Variants in SPIRE1 observed in about 807,000 individuals in gnomAD.
SPIRE1 encodes the protein protein spire homolog 1.
SPIRE1 carries 40 observed loss-of-function variants against 94.1 expected under a neutral mutation model. The ratio of observed to expected loss-of-function variants is 0.43; its 90% CI spans 0.33 to 0.55. The LOEUF (loss-of-function observed/expected upper bound fraction) is 0.55. SPIRE1 is among the 20% of genes least tolerant of loss of function. SPIRE1 has a pLI of 0.06. For missense variants in SPIRE1, 838 were observed against 975.2 expected (o/e 0.86, Z 1.87); for synonymous variants, 376 against 371.7 (o/e 1.01, Z -0.13).
At chr18:12,497,778 T>C (rs940308173) in intron 6 of SPIRE1, among the ~76,000 whole-genome samples, 1 of 152,242 alleles carries the variant, frequency 6.6e-6, no homozygotes, top group African/African-American at 2.4e-5. Context: ...TTAATCAGAC[T>C]TTTCTATTAC....
chr18:12,507,332 A>G (rs2033869647), intron 5 of SPIRE1, among the ~76,000 whole-genome samples: 1 of 152,210 alleles, frequency 6.6e-6, no homozygotes, highest in Non-Finnish European at 1.5e-5. Flanking sequence ...TAGTTTCCTC[A>G]TCAATAAAGA....
chr18:12,562,641 G>A (rs188475187), intron 2 of SPIRE1, among the ~76,000 whole-genome samples: 122 of 143,674 alleles, frequency 8.5e-4, no homozygotes, highest in African/African-American at 3.0e-3. Context: ...TTTTCCTGAT[G>A]CTCTCCCGCC....
chr18:12,466,090 A>G (rs988713810), intron 10 of SPIRE1, among the ~76,000 whole-genome samples: 2 of 152,018 alleles, frequency 1.3e-5, no homozygotes, highest in Non-Finnish European at 2.9e-5. Flanking sequence ...TCTCAGAAAA[A>G]AAAAAGAAAA....
rs909457076 is a variant in SPIRE1, at chr18:12,476,442, G to C, written c.1404+3257C>G. Among the ~76,000 whole-genome samples, 7 of 148,992 alleles carry C rather than the reference G, an allele frequency of 4.7e-5. No homozygotes were observed. The Admixed American group carries it at 4.7e-4, about 10-fold the overall frequency. ...TGTAATCCCAGTTACTCGGGAGGCT[G>C]AGACAGGAGAATCGCTTGAACCTGG... On this transcript the variant is annotated intron_variant, in intron 10 of 16. Transcript: ENST00000409402.
intron 12 of SPIRE1, among the ~76,000 whole-genome samples, chr18:12,458,727 C>A (rs553667958): frequency 2.6e-4 from 40 of 152,212 alleles, no homozygotes; most frequent in Non-Finnish European, 4.3e-4. Flanking sequence ...TAATCAAATG[C>A]CAGCAGGTCT....
rs192982699 is a variant in SPIRE1 at position 12,492,206 on chromosome 18, A to G, written c.1189+866T>C. ...AGCCAGGATAGAAACTTTGAAGTCCAAGAGTCTGAAAAAGGCAGAAGAAGA... is the reference window on the plus strand; with the variant it reads ...AGCCAGGATAGAAACTTTGAAGTCCGAGAGTCTGAAAAAGGCAGAAGAAGA... On this transcript the variant is annotated intron_variant, in intron 8 of 16. Transcript: ENST00000409402. Among the ~76,000 whole-genome samples the G allele has an allele frequency of 2.6e-4, 39 of 152,336 alleles. No homozygotes were observed. In the East Asian group the frequency reaches 5.6e-3, roughly 22 times the overall value.
At chr18:12,582,856 T>C (rs1212470376) in intron 2 of SPIRE1, among the ~76,000 whole-genome samples, 1 of 152,210 alleles carries the variant, frequency 6.6e-6, no homozygotes, top group African/African-American at 2.4e-5. Flanking sequence ...ACAAGTACTA[T>C]GCCTGATGCT....
intron 2 of SPIRE1, among the ~76,000 whole-genome samples, chr18:12,592,555 T>C (rs1193969875): frequency 1.3e-5 from 2 of 152,344 alleles, no homozygotes; most frequent in Admixed American, 1.3e-4. Flanking sequence ...AGCTCACCCG[T>C]GGTAAACTAC....
rs952261138 is a variant in SPIRE1, at chr18:12,468,972, G to A, written c.1405-4014C>T. ...CTAGCTACTTGGGAGGCTGAGGCAGGAGAATCCCCTGAGACCAAGAGGTCG... is the reference window on the plus strand; with the variant it reads ...CTAGCTACTTGGGAGGCTGAGGCAGAAGAATCCCCTGAGACCAAGAGGTCG... On this transcript the variant is annotated intron_variant, in intron 10 of 16. Transcript: ENST00000409402. 9.2e-5 allele frequency among the ~76,000 whole-genome samples: 14 copies of A among 152,144 alleles called. 1 individual carries two copies. The highest frequency in any genetic ancestry group is 7.9e-4 in the Admixed American group (12 of 15,274).
chr18:12,468,702 A>G (rs2032222967), intron 10 of SPIRE1, among the ~76,000 whole-genome samples: 1 of 152,250 alleles, frequency 6.6e-6, no homozygotes, highest in South Asian at 2.1e-4. Flanking sequence ...TTTTATCTAG[A>G]AAATGTGGTT....
intron 2 of SPIRE1, among the ~76,000 whole-genome samples, chr18:12,610,362 T>C (rs113747418): frequency 3.0e-4 from 46 of 152,288 alleles, no homozygotes; most frequent in African/African-American, 1.0e-3. Context: ...CTCTAATATT[T>C]GACTCCAGTA....
upstream of SPIRE1, among the ~76,000 whole-genome samples, chr18:12,660,144 A>G (rs1322443583): frequency 6.6e-6 from 1 of 152,232 alleles, no homozygotes; most frequent in African/African-American, 2.4e-5. Context: ...AAATGGGTTA[A>G]TAAACTGAGG....
At chr18:12,517,185 A>G (rs2034222482) in intron 4 of SPIRE1, among the ~76,000 whole-genome samples, 1 of 152,212 alleles carries the variant, frequency 6.6e-6, no homozygotes, top group Non-Finnish European at 1.5e-5. Context: ...TTCAGACCAT[A>G]TTGAACATTC....
intron 2 of SPIRE1, among the ~76,000 whole-genome samples, chr18:12,627,775 T>C (rs988974795): frequency 6.6e-6 from 1 of 152,210 alleles, no homozygotes; most frequent in African/African-American, 2.4e-5. Context: ...GGTATCTCAT[T>C]GTGGTTTTGA....
At chr18:12,600,793 G>A (rs2036812046) in intron 2 of SPIRE1, among the ~76,000 whole-genome samples, 1 of 152,010 alleles carries the variant, frequency 6.6e-6, no homozygotes, top group African/African-American at 2.4e-5. Context: ...CGCCGTTTCA[G>A]TGAACTGCAG....
chr18:12,585,485 A>G (rs2036371957), intron 2 of SPIRE1, among the ~76,000 whole-genome samples: 1 of 152,206 alleles, frequency 6.6e-6, no homozygotes, highest in Non-Finnish European at 1.5e-5. Context: ...TAGTACTCAC[A>G]TGCTGCATGA....
chr18:12,626,883 TA>T (rs1231134101), intron 2 of SPIRE1, among the ~76,000 whole-genome samples: 14 of 53,422 alleles, frequency 2.6e-4, no homozygotes, highest in African/African-American at 7.1e-4. Context: ...TATATATATA[TA>T]TATTTTTTTT....
intron 14 of SPIRE1, 158 bp from the exon 15 acceptor site, chr18:12,452,670 A>G (rs769271528): frequency 9.4e-6 from 7 of 748,564 alleles, no homozygotes; most frequent in Non-Finnish European, 1.6e-5. Flanking sequence ...TGAATTGCCA[A>G]AAAGATAATC....
At chr18:12,561,786 T>C (rs1347740222) in intron 2 of SPIRE1, among the ~76,000 whole-genome samples, 1 of 152,244 alleles carries the variant, frequency 6.6e-6, no homozygotes, top group African/African-American at 2.4e-5. Context: ...CACATTAATA[T>C]TCCTATAGTG....
Sources: allele counts gnomAD v4.1 joint callset (sites outside exome capture counted in the v4.1 genomes callset), GRCh38; gene constraint gnomAD v4.1.1; transcripts MANE v1.5; gene names NCBI Gene and HGNC (gene_info 2026-07-23, HGNC 2026-07-21).